ANK1: variants seen among roughly 807,000 people sequenced by gnomAD.
ANK1 encodes the protein ankyrin 1.
ANK1 carries 51 observed loss-of-function variants against 210.4 expected under a neutral mutation model. The ratio of observed to expected loss-of-function variants is 0.24; its 90% CI spans 0.19 to 0.31. The LOEUF is 0.31. Ranked by LOEUF, ANK1 falls within the 10% of genes least tolerant of loss-of-function variation. The pLI, the probability that ANK1 is intolerant of heterozygous loss-of-function variation, is 1.00. For synonymous variants in ANK1, 967 were observed against 1,025.9 expected, an observed-to-expected ratio of 0.94 and a Z score of 1.10; for missense variants, 2,051 against 2,504.4, an observed-to-expected ratio of 0.82 and a Z score of 3.86.
Position 41,672,794 on chromosome 8 carries a change from C to G in ANK1, c.4656G>C (p.Leu1552Phe). 6.2e-7 allele frequency: 1 copy of G among 1,605,106 alleles called. No homozygotes were observed. Among genetic ancestry groups the G allele is most frequent in the Non-Finnish European group, 8.5e-7 (1 of 1,174,202 alleles). Residue 1552 changes from leucine (L) to phenylalanine (F), a missense_variant, in exon 38 of 43, where the codon TTG (leucine) becomes TTC (phenylalanine). Coordinates refer to ENST00000289734, the MANE Select transcript of ANK1 (RefSeq NM_000037.4). The part of the protein sequence containing the change: ...NEVAVLDAIP[L>F]AATEHDTMLE... ...GCATGGTGTCATGCTCCGTGGCCGC[C>G]AAGGGGATGGCGTCTAGGACGGCCA...
At position 41,690,547 on chromosome 8, in the gene ANK1, A is replaced by G; in HGVS notation, c.3911T>C (p.Val1304Ala). 1 of 1,614,024 alleles carries G rather than the reference A, an allele frequency of 6.2e-7. No homozygotes were observed. The highest frequency in any genetic ancestry group is 1.7e-4 in the Middle Eastern group (1 of 6,060). ...GCTCCGCTGCTGGGCAGCTTTCTTC[A>G]CAGGCACCAGGTTCCCAGAGAGTTC... ...FAELSGNLVP[V>A]KKAAQQRSFH... is the part of the protein sequence containing the mutation. Residue 1304 changes from valine (V) to alanine (A), a missense_variant, in exon 32 of 43, where the codon GTG becomes GCG. Transcript: ENST00000289734.
intron 2 of ANK1, among the ~76,000 whole-genome samples, chr8:41,756,814 C>T (rs1279499161): frequency 2.6e-5 from 4 of 152,152 alleles, no homozygotes; most frequent in East Asian, 3.8e-4. Context: ...AGAGGCATGT[C>T]GCCCATGGAA....
chr8:41,686,670 C>T (rs1223011623), intron 35 of ANK1, among the ~76,000 whole-genome samples: 1 of 152,130 alleles, frequency 6.6e-6, no homozygotes, highest in Admixed American at 6.5e-5. Flanking sequence ...CCGTACCTGC[C>T]GATTCTCACC....
At chr8:41,735,293 A>G (rs1303944146) in intron 2 of ANK1, among the ~76,000 whole-genome samples, 1 of 152,224 alleles carries the variant, frequency 6.6e-6, no homozygotes, top group African/African-American at 2.4e-5. Flanking sequence ...ATTCCAACGG[A>G]TGAGTCGATC....
intron 1 of ANK1, among the ~76,000 whole-genome samples, chr8:41,825,912 C>T (rs1030470741): frequency 1.3e-5 from 2 of 152,162 alleles, no homozygotes; most frequent in African/African-American, 4.8e-5. Context: ...TGTGGGGTCT[C>T]CCCAGCCATG....
intron 9 of ANK1, 123 bp from the exon 10 acceptor site, chr8:41,719,981 G>T: frequency 8.3e-7 from 1 of 1,209,986 alleles, no homozygotes; most frequent in Non-Finnish European, 1.2e-6. Context: ...AGTCTCTGGA[G>T]GGAGCTTGGC....
At chr8:41,849,648 G>A (rs147473907) in intron 1 of ANK1, among the ~76,000 whole-genome samples, 9 of 152,282 alleles carry the variant, frequency 5.9e-5, no homozygotes, top group East Asian at 5.8e-4. Context: ...CCACCGCCGC[G>A]CAGGGAAGGT....
chr8:41,717,167 A>C, intron 12 of ANK1, 116 bp from the exon 13 acceptor site: 1 of 1,047,476 alleles, frequency 9.5e-7, no homozygotes. Context: ...CAAGAGGTGG[A>C]GTTGCCCCAG....
chr8:41,783,931 G>T (rs1039986651), intron 1 of ANK1, among the ~76,000 whole-genome samples: 2 of 152,020 alleles, frequency 1.3e-5, no homozygotes, highest in African/African-American at 4.8e-5. Flanking sequence ...GTGCATGGTG[G>T]CATGCACCTA....
chr8:41,689,171 G>A (rs1478078069), intron 33 of ANK1, among the ~76,000 whole-genome samples: 1 of 151,772 alleles, frequency 6.6e-6, no homozygotes, highest in Non-Finnish European at 1.5e-5. Context: ...AAGCTGGAGT[G>A]CAGTGCGATG....
chr8:41,847,165 C>A (rs1021055204), intron 1 of ANK1, among the ~76,000 whole-genome samples: 2 of 152,128 alleles, frequency 1.3e-5, no homozygotes, highest in African/African-American at 4.8e-5. Context: ...ACAAATGACC[C>A]CAAAATCTCA....
exon 1 of ANK1, chr8:41,896,468 C>A: frequency 1.2e-6 from 2 of 1,601,736 alleles, no homozygotes; most frequent in African/African-American, 1.4e-5. Context: ...AGCTGTTTGG[C>A]CGCTTGAGCC....
intron 7 of ANK1, among the ~76,000 whole-genome samples, chr8:41,723,989 C>T (rs1054296961): frequency 1.1e-4 from 16 of 151,604 alleles, no homozygotes; most frequent in African/African-American, 3.6e-4. Context: ...GGGGTTTCAC[C>T]GTGTTAGCCA....
intron 1 of ANK1, among the ~76,000 whole-genome samples, chr8:41,849,043 G>A (rs533396329): frequency 1.3e-5 from 2 of 152,354 alleles, no homozygotes; most frequent in Admixed American, 1.3e-4. Context: ...CAGGGCACCA[G>A]GGACTGGAAT....
At chr8:41,895,287 C>G (rs1033622776) in intron 1 of ANK1, among the ~76,000 whole-genome samples, 1 of 152,170 alleles carries the variant, frequency 6.6e-6, no homozygotes, top group African/African-American at 2.4e-5. Context: ...CAGGCTGGGC[C>G]CCACATCGAC....
intron 40 of ANK1, 70 bp from the exon 41 acceptor site, chr8:41,662,011 C>T (rs1585810822): frequency 6.4e-7 from 1 of 1,563,738 alleles, no homozygotes; most frequent in Non-Finnish European, 8.7e-7. Flanking sequence ...GTAATCTCAG[C>T]ACTTTGGGAG....
chr8:41,662,444 C>T (rs1042340885), intron 40 of ANK1, among the ~76,000 whole-genome samples: 2 of 152,322 alleles, frequency 1.3e-5, no homozygotes, highest in Non-Finnish European at 2.9e-5. Context: ...CCTGAAGGGG[C>T]CTTGGCAGTG....
At chr8:41,683,627 T>C (rs1235167764) in intron 37 of ANK1, among the ~76,000 whole-genome samples, 2 of 152,148 alleles carry the variant, frequency 1.3e-5, no homozygotes, top group Non-Finnish European at 2.9e-5. Flanking sequence ...ACATGGAAAT[T>C]TTGTTTCAAG....
At chr8:41,668,593 CG>C (rs762076841) in intron 38 of ANK1, 29 bp from the exon 39 acceptor site, 3 of 1,602,064 alleles carry the variant, frequency 1.9e-6, no homozygotes, top group Non-Finnish European at 2.6e-6. Context: ...AGCAGATGGC[CG>C]GCCGGGGAGA....
Sources: gnomAD v4.1 joint callset for allele counts (sites outside exome capture counted in the v4.1 genomes callset) on GRCh38, gnomAD v4.1.1 for gene constraint, MANE v1.5 for transcripts, NCBI Gene and HGNC (gene_info 2026-07-23, HGNC 2026-07-21) for gene names.